The following LRP1B variants were observed in gnomAD, a reference collection of about 807,000 sequenced individuals.
LRP1B encodes LDL receptor related protein 1B.
Under a neutral mutation model 556.6 loss-of-function variants are expected in LRP1B, and 217 were observed. The ratio of observed to expected loss-of-function variants is 0.39; its 90% CI spans 0.35 to 0.44. LRP1B has a LOEUF of 0.44. Ranked by LOEUF, LRP1B falls within the 20% of genes least tolerant of loss-of-function variation. LRP1B has a pLI of 1.00. For synonymous variants in LRP1B, 2,047 were observed against 1,865.8 expected (o/e 1.10, Z -2.50); for missense variants, 5,053 against 5,620.8 (o/e 0.90, Z 3.23).
intron 3 of LRP1B, among the ~76,000 whole-genome samples, chr2:141,379,404 A>G (rs1357423157): frequency 6.6e-6 from 1 of 152,182 alleles, no homozygotes; most frequent in African/African-American, 2.4e-5. Context: ...CATGTGCCAG[A>G]ATATGAAGCT....
intron 3 of LRP1B, among the ~76,000 whole-genome samples, chr2:141,388,079 G>T (rs1689898353): frequency 6.6e-6 from 1 of 152,094 alleles, no homozygotes; most frequent in Admixed American, 6.6e-5. Flanking sequence ...ATGAAGGGAA[G>T]AAACACATAA....
chr2:141,295,790 C>CACACACAT (rs963472660), intron 3 of LRP1B, among the ~76,000 whole-genome samples: 1 of 141,198 alleles, frequency 7.1e-6, no homozygotes. Flanking sequence ...CACACACACA[C>CACACACAT]ATAACAGTGG....
At chr2:140,632,803 C>T (rs2105280330) in intron 41 of LRP1B, among the ~76,000 whole-genome samples, 1 of 152,268 alleles carries the variant, frequency 6.6e-6, no homozygotes, top group Admixed American at 6.5e-5. Flanking sequence ...TGGCTCATGC[C>T]TGTAATCCCA....
chr2:140,406,928 C>T (rs1684765051), intron 66 of LRP1B, among the ~76,000 whole-genome samples: 1 of 152,082 alleles, frequency 6.6e-6, no homozygotes. Flanking sequence ...CATTACAGTA[C>T]CAGACTTCAA....
chr2:141,405,867 T>C (rs1282068571), intron 3 of LRP1B, among the ~76,000 whole-genome samples: 1 of 152,108 alleles, frequency 6.6e-6, no homozygotes, highest in African/African-American at 2.4e-5. Context: ...GTGTCAAAAG[T>C]ATTTAGTATG....
intron 7 of LRP1B, among the ~76,000 whole-genome samples, chr2:141,071,493 G>A (rs1699641583): frequency 6.6e-6 from 1 of 152,164 alleles, no homozygotes; most frequent in Non-Finnish European, 1.5e-5. Flanking sequence ...AGTGTTGGAA[G>A]TTCTGGCCAG....
intron 2 of LRP1B, among the ~76,000 whole-genome samples, chr2:141,500,087 T>C (rs1245870829): frequency 6.6e-6 from 1 of 152,144 alleles, no homozygotes; most frequent in Non-Finnish European, 1.5e-5. Flanking sequence ...TGCTCTTTTC[T>C]CCTGTATTAG....
At chr2:141,281,588 A>C (rs1226281872) in intron 3 of LRP1B, among the ~76,000 whole-genome samples, 1 of 152,054 alleles carries the variant, frequency 6.6e-6, no homozygotes, top group East Asian at 1.9e-4. Context: ...GTAGTATCTC[A>C]AGCAGGTTTT....
intron 1 of LRP1B, among the ~76,000 whole-genome samples, chr2:141,906,226 A>G (rs1574481458): frequency 6.6e-6 from 1 of 151,968 alleles, no homozygotes; most frequent in South Asian, 2.1e-4. Flanking sequence ...GTTCTCAAAC[A>G]CTGTACCTCA....
intron 5 of LRP1B, among the ~76,000 whole-genome samples, chr2:141,243,717 G>T (rs1174715641): frequency 6.6e-6 from 1 of 152,060 alleles, no homozygotes; most frequent in Non-Finnish European, 1.5e-5. Context: ...AATTGCACTA[G>T]ATTACCATTG....
intron 6 of LRP1B, among the ~76,000 whole-genome samples, chr2:141,212,388 C>G (rs985181109): frequency 6.7e-6 from 1 of 148,886 alleles, no homozygotes; most frequent in African/African-American, 2.5e-5. Flanking sequence ...ACGCCATTCT[C>G]CTGCCTCAGC....
intron 35 of LRP1B, among the ~76,000 whole-genome samples, chr2:140,746,554 C>A (rs906166915): frequency 3.3e-5 from 5 of 152,140 alleles, no homozygotes; most frequent in Middle Eastern, 3.2e-3. Context: ...CACTGATAAG[C>A]TAGAAATGAT....
At chr2:140,519,385 T>G (rs1194651183) in intron 49 of LRP1B, among the ~76,000 whole-genome samples, 1 of 152,164 alleles carries the variant, frequency 6.6e-6, no homozygotes, top group Non-Finnish European at 1.5e-5. Context: ...TAATAAATGG[T>G]GCTGGGAAAA....
chr2:140,601,997 G>A (rs1231575217), intron 41 of LRP1B, among the ~76,000 whole-genome samples: 1 of 152,018 alleles, frequency 6.6e-6, no homozygotes, highest in Non-Finnish European at 1.5e-5. Context: ...AAAACCTTAT[G>A]TCAGCAATAC....
chr2:140,836,960 T>C (rs1046569849), intron 31 of LRP1B, among the ~76,000 whole-genome samples: 2 of 152,164 alleles, frequency 1.3e-5, no homozygotes, highest in African/African-American at 4.8e-5. Context: ...TATAAACATT[T>C]GGTCATTTCA....
chr2:140,758,724 G>A (rs932349613), intron 35 of LRP1B, among the ~76,000 whole-genome samples: 1 of 151,842 alleles, frequency 6.6e-6, no homozygotes, highest in Non-Finnish European at 1.5e-5. Context: ...CTGAGCCAGT[G>A]AGCTCAAAAT....
intron 60 of LRP1B, among the ~76,000 whole-genome samples, chr2:140,464,805 TA>T (rs1415388191): frequency 6.6e-6 from 1 of 152,166 alleles, no homozygotes; most frequent in Admixed American, 6.5e-5. Context: ...AGAGTCTTAA[TA>T]AAAACTGAAG....
intron 3 of LRP1B, among the ~76,000 whole-genome samples, chr2:141,436,628 T>C (rs1016316873): frequency 4.6e-5 from 7 of 151,798 alleles, no homozygotes; most frequent in African/African-American, 1.7e-4. Flanking sequence ...ATGTATTTTT[T>C]AATCCACTGC....
intron 83 of LRP1B, among the ~76,000 whole-genome samples, chr2:140,302,173 T>A (rs1214861789): frequency 2.0e-5 from 3 of 152,152 alleles, no homozygotes; most frequent in East Asian, 1.9e-4. Context: ...CAAAAAGTGT[T>A]CTTCCAAACT....
Sources: allele counts gnomAD v4.1 joint callset (sites outside exome capture counted in the v4.1 genomes callset), GRCh38; gene constraint gnomAD v4.1.1; transcripts MANE v1.5; gene names NCBI Gene and HGNC (gene_info 2026-07-23, HGNC 2026-07-21).